PRKAR2B: variants seen among roughly 807,000 people sequenced by gnomAD.
The protein encoded by PRKAR2B is protein kinase cAMP-dependent type II regulatory subunit beta.
Under a neutral mutation model 49.9 loss-of-function variants are expected in PRKAR2B, and 14 were observed. That is an observed-to-expected ratio of 0.28 (90% CI 0.19 to 0.44). PRKAR2B has a LOEUF of 0.44. Ranked by LOEUF, PRKAR2B falls within the 20% of genes least tolerant of loss-of-function variation. The pLI, the probability that PRKAR2B is intolerant of heterozygous loss-of-function variation, is 1.00. For synonymous variants in PRKAR2B, 196 were observed against 197.7 expected, an observed-to-expected ratio of 0.99 and a Z score of 0.07; for missense variants, 393 against 537.9, an observed-to-expected ratio of 0.73 and a Z score of 2.67.
intron 2 of PRKAR2B, among the ~76,000 whole-genome samples, chr7:107,096,664 C>G (rs1413588569): frequency 1.3e-5 from 2 of 152,134 alleles, no homozygotes; most frequent in African/African-American, 4.8e-5. Flanking sequence ...ATAAATTTCC[C>G]TCTACACACT....
chr7:107,096,418 C>T (rs149440050), intron 2 of PRKAR2B, among the ~76,000 whole-genome samples: 4,760 of 151,286 alleles, frequency 0.031, 90 homozygotes, highest in Non-Finnish European at 0.048. Flanking sequence ...GTCTTGCTAG[C>T]GGTCTGTCAA....
chr7:107,108,722 T>A (rs553381601), intron 2 of PRKAR2B, among the ~76,000 whole-genome samples: 2 of 152,218 alleles, frequency 1.3e-5, no homozygotes, highest in African/African-American at 2.4e-5. Flanking sequence ...TACAGCCTTA[T>A]AGAGTTAGAG....
intron 2 of PRKAR2B, among the ~76,000 whole-genome samples, chr7:107,086,759 C>T (rs1012198496): frequency 4.6e-5 from 7 of 151,994 alleles, no homozygotes; most frequent in Non-Finnish European, 8.8e-5. Context: ...CCTCACCGGA[C>T]GAAAATGTCT....
chr7:107,048,135 T>C (rs58085052), intron 1 of PRKAR2B, among the ~76,000 whole-genome samples: 9,449 of 152,272 alleles, frequency 0.062, 430 homozygotes, highest in African/African-American at 0.12. Context: ...CCCTGTGCTC[T>C]TGACTGCCCG....
chr7:107,045,209 T>A lies in PRKAR2B; in HGVS notation c.302T>A (p.Phe101Tyr). 3 of 1,452,176 alleles carry A rather than the reference T, an allele frequency of 2.1e-6. No individual in the cohort carries two copies. The highest frequency in any genetic ancestry group is 2.7e-6 in the Non-Finnish European group (3 of 1,103,596). 90.0% of individuals were successfully genotyped at this position (1,452,176 alleles called of 1,614,324 possible). A position where few individuals can be genotyped will look rare whatever the true frequency, so the allele number is the denominator to read the frequency against. ...EEAAPADAGA[F>Y]NAPVINRFTR... Reference sequence around the variant, plus strand: ...GCGGCGCCCGCGGACGCAGGGGCGTTCAATGGTGAGGACCAGACCCCCCAC... The same window carrying A: ...GCGGCGCCCGCGGACGCAGGGGCGTACAATGGTGAGGACCAGACCCCCCAC... Residue 101 changes from phenylalanine to tyrosine, a missense_variant, in exon 1 of 11, where the codon TTC becomes TAC. By Grantham distance (22) the Phe-to-Tyr change is conservative. Transcript: ENST00000265717.
rs984362566 is a variant in PRKAR2B, at chr7:107,161,566, A to T, written c.*1984A>T. 1 of 152,622 alleles carries T rather than the reference A, an allele frequency of 6.6e-6. No homozygotes were observed. The highest frequency in any genetic ancestry group is 2.4e-5 in the African/African-American group (1 of 41,446). 9.5% of individuals were successfully genotyped at this position (152,622 alleles called of 1,614,324 possible). On this transcript the variant is annotated 3_prime_UTR_variant, in exon 11 of 11. Coordinates refer to ENST00000265717, the MANE Select transcript of PRKAR2B (RefSeq NM_002736.3). Reference sequence around the variant, plus strand: ...TCTTTAAAGTTTTCTGACGTGCATAATGCATAATTCATTGAAAAGCATGAT... The same window carrying T: ...TCTTTAAAGTTTTCTGACGTGCATATTGCATAATTCATTGAAAAGCATGAT...
At chr7:107,076,312 A>T (rs996125259) in intron 2 of PRKAR2B, among the ~76,000 whole-genome samples, 1 of 152,160 alleles carries the variant, frequency 6.6e-6, no homozygotes, top group African/African-American at 2.4e-5. Context: ...GATTTCCTCC[A>T]CTGTCCTATC....
chr7:107,089,627 A>C (rs966451943), intron 2 of PRKAR2B, among the ~76,000 whole-genome samples: 1 of 152,250 alleles, frequency 6.6e-6, no homozygotes, highest in Non-Finnish European at 1.5e-5. Flanking sequence ...TTTTCTAAAA[A>C]CAATAAAGCT....
chr7:107,142,776 T>G (rs1029884544), intron 5 of PRKAR2B, among the ~76,000 whole-genome samples: 7 of 152,218 alleles, frequency 4.6e-5, no homozygotes, highest in Admixed American at 2.0e-4. Flanking sequence ...TGTTTGTTTT[T>G]TTTTTTTAAA....
At chr7:107,055,675 G>A (rs1793898580) in intron 1 of PRKAR2B, among the ~76,000 whole-genome samples, 1 of 152,096 alleles carries the variant, frequency 6.6e-6, no homozygotes, top group Non-Finnish European at 1.5e-5. Flanking sequence ...ATTTTTTCTT[G>A]TAAATTTGTT....
intron 2 of PRKAR2B, among the ~76,000 whole-genome samples, chr7:107,073,409 C>T (rs925709195): frequency 3.3e-5 from 5 of 152,118 alleles, no homozygotes; most frequent in Non-Finnish European, 7.4e-5. Context: ...AAACAGAATT[C>T]CTAGCATCTT....
At chr7:107,139,244 G>A (rs1387078446) in intron 4 of PRKAR2B, among the ~76,000 whole-genome samples, 1 of 152,200 alleles carries the variant, frequency 6.6e-6, no homozygotes, top group Non-Finnish European at 1.5e-5. Context: ...AAGTAGGGCA[G>A]GCCTGTCAAC....
Position 107,101,875 on chromosome 7 carries a change from CTTTTTTTTTTTTT to C in PRKAR2B, c.344-20066_344-20054del, listed in dbSNP as rs10589473. On this transcript the variant is annotated intron_variant, in intron 2 of 10. Coordinates refer to ENST00000265717, the MANE Select transcript of PRKAR2B (RefSeq NM_002736.3). ...TTGGTTGATTTCCAGAGCCCTGATC[CTTTTTTTTTTTTT>C]TTTTTTTTTTCCAGTTTTGTTTAGT... 9.7e-4 allele frequency among the ~76,000 whole-genome samples: 91 copies of C among 94,232 alleles called. 1 individual carries two copies. The South Asian group carries it at 0.014, about 14-fold the overall frequency. The allele number at this position is 94,232 out of a possible 152,430, so 61.8% of individuals were successfully genotyped here.
At chr7:107,046,846 A>ATATT (rs914881024) in intron 1 of PRKAR2B, among the ~76,000 whole-genome samples, 1 of 152,108 alleles carries the variant, frequency 6.6e-6, no homozygotes, top group African/African-American at 2.4e-5. Flanking sequence ...ATATATATAT[A>ATATT]TTCTGTATGA....
chr7:107,072,581 T>G (rs1038614479), intron 2 of PRKAR2B, among the ~76,000 whole-genome samples: 3 of 152,176 alleles, frequency 2.0e-5, no homozygotes, highest in African/African-American at 7.2e-5. Context: ...TTATAAAAGT[T>G]TGTGTAAAAT....
chr7:107,132,682 G>A (rs535562841), intron 4 of PRKAR2B, among the ~76,000 whole-genome samples: 1 of 152,236 alleles, frequency 6.6e-6, no homozygotes, highest in African/African-American at 2.4e-5. Flanking sequence ...CTGCGAAGTT[G>A]CCACCTTTTC....
At chr7:107,074,551 C>A (rs1794355141) in intron 2 of PRKAR2B, among the ~76,000 whole-genome samples, 1 of 151,932 alleles carries the variant, frequency 6.6e-6, no homozygotes, top group Admixed American at 6.6e-5. Flanking sequence ...GTAATTTTGC[C>A]ACTTTGGGAG....
rs547422172 is a variant in PRKAR2B, at chr7:107,064,701, C to T, written c.308-5580C>T. Among the ~76,000 whole-genome samples, 13 of 152,266 alleles carry T rather than the reference C, an allele frequency of 8.5e-5. No individual in the cohort carries two copies. In the East Asian group the frequency reaches 2.5e-3, roughly 29 times the overall value. ...GGCTGAATCTCAACAAATTCCTAGG[C>T]ACTGTGTATCTAGAAATACATAGTA... On this transcript the variant is annotated intron_variant, in intron 1 of 10. Transcript: ENST00000265717.
intron 1 of PRKAR2B, among the ~76,000 whole-genome samples, chr7:107,058,848 G>A (rs1206334992): frequency 1.3e-5 from 2 of 152,290 alleles, no homozygotes; most frequent in African/African-American, 4.8e-5. Flanking sequence ...TGCCAAAACT[G>A]AGTAGAGCAG....
Sources: gnomAD v4.1 joint callset for allele counts (sites outside exome capture counted in the v4.1 genomes callset) on GRCh38, gnomAD v4.1.1 for gene constraint, MANE v1.5 for transcripts, NCBI Gene and HGNC (gene_info 2026-07-23, HGNC 2026-07-21) for gene names.